Variants in PDLIM2 observed in about 807,000 individuals in gnomAD.
PDLIM2 encodes PDZ and LIM domain protein 2.
A neutral mutation model predicts 54.1 loss-of-function variants in PDLIM2; 51 were observed. That is an observed-to-expected ratio of 0.94 (90% CI 0.75 to 1.19). The LOEUF (loss-of-function observed/expected upper bound fraction) is 1.19, where lower values mean the gene tolerates loss of function less well. Ranked by LOEUF, PDLIM2 falls within the 50% of genes most tolerant of loss-of-function variation. The pLI is 0.00. For missense variants in PDLIM2, 912 were observed against 874.0 expected (o/e 1.04, Z -0.55); for synonymous variants, 398 against 385.6 (o/e 1.03, Z -0.38).
chr8:22,594,429 C>T (rs946406521), downstream of PDLIM2: 1 of 1,592,878 alleles, frequency 6.3e-7, no homozygotes, highest in Non-Finnish European at 8.6e-7. Context: ...CCACCCCTGC[C>T]AGTTGCCTGC....
chr8:22,587,393 A>T (rs1800409276), intron 6 of PDLIM2, among the ~76,000 whole-genome samples: 2 of 152,212 alleles, frequency 1.3e-5, no homozygotes, highest in African/African-American at 4.8e-5. Flanking sequence ...TATACTTGAG[A>T]GTCTTAAAGG....
rs544262263 is a variant in PDLIM2, at chr8:22,584,576, G to A, written c.996-245G>A. On this transcript the variant is annotated intron_variant, in intron 3 of 9. Coordinates refer to ENST00000308354, the Ensembl canonical transcript of PDLIM2. ...TCCTCCTGCCTTGGCTTCCCAAAGCGTTGGGATGATAGGCGTGGGTCAATG... is the reference window on the plus strand; with the variant it reads ...TCCTCCTGCCTTGGCTTCCCAAAGCATTGGGATGATAGGCGTGGGTCAATG... Among the ~76,000 whole-genome samples the A allele has an allele frequency of 2.1e-4, 32 of 152,348 alleles. No individual in the cohort carries two copies. In the South Asian group the frequency reaches 4.6e-3, roughly 22 times the overall value.
At chr8:22,583,066 G>T (rs1402124052) in intron 3 of PDLIM2, among the ~76,000 whole-genome samples, 1 of 152,058 alleles carries the variant, frequency 6.6e-6, no homozygotes, top group African/African-American at 2.4e-5. Flanking sequence ...GGAGGGTCCT[G>T]TTGCCCTACA....
intron 6 of PDLIM2, among the ~76,000 whole-genome samples, chr8:22,585,954 G>T (rs1403146049): frequency 1.3e-5 from 2 of 151,850 alleles, no homozygotes; most frequent in Admixed American, 1.3e-4. Flanking sequence ...TTTCAGCCAG[G>T]TCCCAGTGGC....
Position 22,589,561 on chromosome 8 carries a change from G to A in PDLIM2, c.1368-35G>A, listed in dbSNP as rs370438367. The A allele has an allele frequency of 5.5e-5, 87 of 1,582,292 alleles. 1 individual carries two copies. The East Asian group carries it at 1.7e-3, about 31-fold the overall frequency. Reference sequence around the variant, plus strand: ...CCCTTGCTTGCCTAAGCTCCGGCACGGGACCCTCATTCCTGGCTGCCTCCC... The same window carrying A: ...CCCTTGCTTGCCTAAGCTCCGGCACAGGACCCTCATTCCTGGCTGCCTCCC... On this transcript the variant is annotated intron_variant, in intron 7 of 9. Transcript: ENST00000308354.
chr8:22,595,336 C>T (rs1339308657), downstream of PDLIM2: 1 of 152,244 alleles, frequency 6.6e-6, no homozygotes, highest in Non-Finnish European at 1.5e-5. Context: ...GGCTGTCTGG[C>T]GCGGGACTCC....
At chr8:22,584,873 C>A (rs1800324295) in exon 4 of PDLIM2, 1 of 1,614,054 alleles carries the variant, frequency 6.2e-7, no homozygotes, top group Admixed American at 1.7e-5. Context: ...CTTGGAAGTG[C>A]TGGCGACTCG....
At chr8:22,588,384 T>G (rs557486895) in intron 6 of PDLIM2, 2 of 152,360 alleles carry the variant, frequency 1.3e-5, no homozygotes, top group South Asian at 2.1e-4. Context: ...AATTTTAAAA[T>G]GGAGAGAAGT....
downstream of PDLIM2, chr8:22,596,447 C>T (rs763290261): frequency 1.3e-5 from 2 of 152,170 alleles, no homozygotes; most frequent in East Asian, 1.9e-4. Context: ...CCTGGAAGAA[C>T]GGAGTTATGA....
chr8:22,593,032 C>CCTGG (rs1401395996), intron 9 of PDLIM2: 1 of 152,640 alleles, frequency 6.6e-6, no homozygotes, highest in African/African-American at 2.4e-5. Context: ...TGCCACCATA[C>CCTGG]CTGGCTAATT....
intron 3 of PDLIM2, 151 bp downstream of exon 2, chr8:22,581,681 C>A (rs1800210514): frequency 8.8e-7 from 1 of 1,135,224 alleles, no homozygotes; most frequent in Non-Finnish European, 1.2e-6. Flanking sequence ...AGGTCCTGGG[C>A]TCTGCTTCCT....
chr8:22,580,298 GC>G, intron 1 of PDLIM2, 176 bp from the exon 1 acceptor site: 1 of 447,600 alleles, frequency 2.2e-6, no homozygotes, highest in Non-Finnish European at 4.0e-6. Context: ...GCCAGCCCCT[GC>G]CCCCCATGCT....
At chr8:22,586,538 C>T (rs1800386501) in intron 6 of PDLIM2, among the ~76,000 whole-genome samples, 1 of 151,926 alleles carries the variant, frequency 6.6e-6, no homozygotes, top group Admixed American at 6.5e-5. Context: ...AGCAGGAGGC[C>T]CGACATGCTG....
chr8:22,587,018 C>T (rs781329693), intron 6 of PDLIM2, among the ~76,000 whole-genome samples: 6 of 152,204 alleles, frequency 3.9e-5, no homozygotes, highest in South Asian at 2.1e-4. Context: ...TCAGACTAGA[C>T]GCTCTGAGTT....
intron 3 of PDLIM2, among the ~76,000 whole-genome samples, chr8:22,582,162 G>A (rs1422653249): frequency 2.0e-5 from 3 of 152,332 alleles, no homozygotes; most frequent in South Asian, 2.1e-4. Flanking sequence ...GATCGGGAAT[G>A]CCAGGAGATC....
exon 10 of PDLIM2, chr8:22,594,132 A>G (rs769135781): frequency 2.1e-6 from 3 of 1,423,732 alleles, no homozygotes; most frequent in Non-Finnish European, 2.7e-6. Flanking sequence ...CTGGCATTGC[A>G]CTAGTCTGAG....
At chr8:22,583,886 G>T in intron 3 of PDLIM2, among the ~76,000 whole-genome samples, 1 of 137,718 alleles carries the variant, frequency 7.3e-6, no homozygotes, top group Non-Finnish European at 1.5e-5. Flanking sequence ...AAAAAAAAAG[G>T]GCAGGATAAT....
chr8:22,592,958 C>T (rs1800595650), intron 9 of PDLIM2: 2 of 152,256 alleles, frequency 1.3e-5, no homozygotes, highest in Admixed American at 1.3e-4. Context: ...ACTGCAGCCC[C>T]AAACTCCTGG....
At chr8:22,581,152 C>T (rs1025027033) in intron 2 of PDLIM2, 3 of 663,658 alleles carry the variant, frequency 4.5e-6, no homozygotes, top group Non-Finnish European at 8.3e-6. Context: ...TGCCACTGCA[C>T]ATTCTTTGGG....
Sources: gnomAD v4.1 joint callset for allele counts (sites outside exome capture counted in the v4.1 genomes callset) on GRCh38, gnomAD v4.1.1 for gene constraint, MANE v1.5 for transcripts, NCBI Gene and HGNC (gene_info 2026-07-23, HGNC 2026-07-21) for gene names.